Variants in ATP9A observed in about 807,000 individuals in gnomAD.
ATP9A encodes probable phospholipid-transporting ATPase IIA.
A neutral mutation model predicts 144.1 loss-of-function variants in ATP9A; 52 were observed. The ratio of observed to expected loss-of-function variants is 0.36; its 90% CI spans 0.29 to 0.45. The LOEUF (loss-of-function observed/expected upper bound fraction) is 0.45, where lower values mean the gene tolerates loss of function less well. Ranked by LOEUF, ATP9A falls within the 20% of genes least tolerant of loss-of-function variation. The pLI, the probability that ATP9A is intolerant of heterozygous loss-of-function variation, is 1.00. For synonymous variants in ATP9A, 582 were observed against 557.4 expected (o/e 1.04, Z -0.62); for missense variants, 947 against 1,392.7 (o/e 0.68, Z 5.09).
intron 22 of ATP9A, among the ~76,000 whole-genome samples, chr20:51,614,171 A>T (rs6021322): frequency 0.014 from 2,192 of 152,358 alleles, 53 homozygotes; most frequent in African/African-American, 0.05. Flanking sequence ...TAATTAAACA[A>T]GAGGCAAAAA....
chr20:51,655,918 T>C (rs1173328963), intron 14 of ATP9A, among the ~76,000 whole-genome samples: 2 of 152,118 alleles, frequency 1.3e-5, no homozygotes, highest in East Asian at 3.9e-4. Flanking sequence ...AAATGTAATA[T>C]ATCCATAAAC....
At chr20:51,626,476 G>A (rs1214062711) in intron 17 of ATP9A, among the ~76,000 whole-genome samples, 6 of 148,410 alleles carry the variant, frequency 4.0e-5, no homozygotes, top group Admixed American at 3.4e-4. Context: ...GGCAACAAGA[G>A]TAAAGCTCTG....
intron 4 of ATP9A, 140 bp from the exon 5 acceptor site, chr20:51,697,622 C>A: frequency 1.5e-6 from 1 of 677,042 alleles, no homozygotes; most frequent in Non-Finnish European, 2.4e-6. Context: ...GACTCCAGCA[C>A]CATTATTTCC....
At chr20:51,761,621 G>A (rs369326619) in intron 1 of ATP9A, among the ~76,000 whole-genome samples, 7 of 152,052 alleles carry the variant, frequency 4.6e-5, no homozygotes, top group Non-Finnish European at 8.8e-5. Flanking sequence ...TTAGCCGAGC[G>A]TGGTGACAGG....
At chr20:51,667,400 G>A (rs73267769) in intron 13 of ATP9A, among the ~76,000 whole-genome samples, 7,589 of 152,282 alleles carry the variant, frequency 0.05, 616 homozygotes, top group African/African-American at 0.17. Context: ...AAGGGGCTGC[G>A]AGTGATACAG....
intron 1 of ATP9A, among the ~76,000 whole-genome samples, chr20:51,736,574 G>A (rs1018174270): frequency 2.0e-5 from 3 of 148,236 alleles, no homozygotes; most frequent in African/African-American, 7.5e-5. Context: ...GGCAGGTCTC[G>A]AACTCCTGGG....
intron 1 of ATP9A, among the ~76,000 whole-genome samples, chr20:51,765,523 T>C (rs897037696): frequency 6.7e-6 from 1 of 149,628 alleles, no homozygotes; most frequent in African/African-American, 2.5e-5. Context: ...GCATGGTGCA[T>C]GCCTGTAATC....
At position 51,639,501 on chromosome 20, in the gene ATP9A, C is replaced by T. The variant is rs767811659; in HGVS notation, c.1510G>A (p.Ala504Thr). 1 of 1,607,944 alleles carries T rather than the reference C, an allele frequency of 6.2e-7. No homozygotes were observed. The highest frequency in any genetic ancestry group is 1.1e-5 in the South Asian group (1 of 90,248). ...ACACTTTCCGTCCACTGTACCAGGG[C>T]CACCTAAACATAACACAGGGTCGAA... ...VYQASSPDEV[A>T]LVQWTESVGL... is the part of the protein sequence containing the mutation. The change falls in exon 15 of 28, where the codon GCC becomes ACC. Residue 504 changes from alanine (A) to threonine (T), a missense_variant. By Grantham distance (58) the Ala-to-Thr change is moderately conservative. Transcript: ENST00000338821.
chr20:51,739,349 CTTTTTT>C (rs749000986), intron 1 of ATP9A, among the ~76,000 whole-genome samples: 2 of 134,664 alleles, frequency 1.5e-5, no homozygotes, highest in African/African-American at 5.5e-5. Context: ...TACACTCACT[CTTTTTT>C]TTTTTTTTTT....
chr20:51,751,880 G>A lies in ATP9A; in HGVS notation c.68+16422C>T, dbSNP rs184237547. On this transcript the variant is annotated intron_variant, in intron 1 of 27. Coordinates refer to ENST00000338821, the MANE Select transcript of ATP9A (RefSeq NM_006045.3). ...TGGGATTATAGGCGTGAGCCACCGC[G>A]CCCGGCCGCTCCTCTTCTTTATTCA... 4.4e-3 allele frequency among the ~76,000 whole-genome samples: 662 copies of A among 152,144 alleles called. 10 individuals are homozygous for A. Among genetic ancestry groups the A allele is most frequent in the African/African-American group, 0.015 (636 of 41,530 alleles).
At chr20:51,621,083 G>T (rs973382402) in intron 19 of ATP9A, among the ~76,000 whole-genome samples, 7 of 150,514 alleles carry the variant, frequency 4.7e-5, no homozygotes, top group Non-Finnish European at 8.8e-5. Flanking sequence ...GGAGGCGGAG[G>T]TTGCAGTGAG....
intron 3 of ATP9A, among the ~76,000 whole-genome samples, chr20:51,723,158 C>T (rs886343460): frequency 9.2e-5 from 14 of 152,094 alleles, no homozygotes; most frequent in Non-Finnish European, 1.5e-5. Context: ...GAATGGAAAA[C>T]CAAACATCAT....
At chr20:51,652,557 C>T (rs921907789) in intron 14 of ATP9A, among the ~76,000 whole-genome samples, 8 of 152,284 alleles carry the variant, frequency 5.3e-5, no homozygotes, top group Non-Finnish European at 8.8e-5. Context: ...GGAAACAGTA[C>T]GGCTTTCTGA....
chr20:51,614,974 G>T (rs1055570093), intron 22 of ATP9A, among the ~76,000 whole-genome samples: 6 of 151,658 alleles, frequency 4.0e-5, no homozygotes, highest in Non-Finnish European at 5.9e-5. Flanking sequence ...AGGACAGATG[G>T]GGGAATTTGA....
rs1037259068 is a variant in ATP9A, at chr20:51,713,445, G to A, written c.328-371C>T. ...CTGTCTCTCACCCACCATGTGCTGG[G>A]CAGTATTGGAAGTGCACTTCATCCT... On this transcript the variant is annotated intron_variant, in intron 3 of 27. Transcript: ENST00000338821. Among the ~76,000 whole-genome samples the A allele has an allele frequency of 3.9e-5, 6 of 152,318 alleles. No individual in the cohort carries two copies. In the East Asian group the frequency reaches 5.8e-4, roughly 15 times the overall value.
intron 25 of ATP9A, among the ~76,000 whole-genome samples, chr20:51,607,842 G>A (rs768642286): frequency 5.9e-5 from 9 of 152,094 alleles, no homozygotes; most frequent in Non-Finnish European, 1.3e-4. Context: ...TCAGGAGTTT[G>A]AGACCAGCCT....
At chr20:51,607,728 A>T in intron 25 of ATP9A, 144 bp from the exon 26 acceptor site, 1 of 620,068 alleles carries the variant, frequency 1.6e-6, no homozygotes, top group Non-Finnish European at 2.9e-6. Flanking sequence ...ACATCTGAAC[A>T]CATTGGAGGA....
chr20:51,623,837 T>C (rs1350573978), intron 18 of ATP9A, among the ~76,000 whole-genome samples: 1 of 150,408 alleles, frequency 6.6e-6, no homozygotes, highest in Non-Finnish European at 1.5e-5. Context: ...GAAAATTTCC[T>C]GTGCAAGATC....
intron 1 of ATP9A, among the ~76,000 whole-genome samples, chr20:51,739,225 C>A (rs752387163): frequency 2.0e-5 from 3 of 152,150 alleles, no homozygotes; most frequent in Non-Finnish European, 4.4e-5. Context: ...AGTCTGGACC[C>A]CATTGTCCCC....
Sources: allele counts gnomAD v4.1 joint callset (sites outside exome capture counted in the v4.1 genomes callset), GRCh38; gene constraint gnomAD v4.1.1; transcripts MANE v1.5; gene names NCBI Gene and HGNC (gene_info 2026-07-23, HGNC 2026-07-21).